Variants in AQP8 observed in about 807,000 individuals in gnomAD.
The protein encoded by AQP8 is aquaporin 8.
AQP8 carries 14 observed loss-of-function variants against 26.1 expected under a neutral mutation model. The observed-to-expected ratio is 0.54, with a 90% CI of 0.35 to 0.84. AQP8 has a LOEUF of 0.84. AQP8 is among the 40% of genes least tolerant of loss of function. The pLI, the probability that AQP8 is intolerant of heterozygous loss-of-function variation, is 0.01. For synonymous variants in AQP8, 131 were observed against 150.7 expected, an observed-to-expected ratio of 0.87 and a Z score of 0.96; for missense variants, 301 against 340.5, an observed-to-expected ratio of 0.88 and a Z score of 0.91.
At chr16:25,220,492 C>G (rs957583187) in intron 2 of AQP8, among the ~76,000 whole-genome samples, 1 of 152,236 alleles carries the variant, frequency 6.6e-6, no homozygotes. Context: ...TACCCATGAG[C>G]CAGGGGGTGG....
At chr16:25,226,364 TCTC>T (rs1173075225) in intron 4 of AQP8, among the ~76,000 whole-genome samples, 2 of 152,144 alleles carry the variant, frequency 1.3e-5, no homozygotes, top group African/African-American at 4.8e-5. Flanking sequence ...TTCAAGCAAT[TCTC>T]CTGGCTTAGC....
In AQP8 at chr16:25,228,715, G is replaced by A. The variant is rs944372490; in HGVS notation, c.*223G>A. The A allele has an allele frequency of 9.3e-5, 50 of 539,858 alleles. No individual in the cohort carries two copies. The highest frequency in any genetic ancestry group is 5.0e-4 in the Middle Eastern group (1 of 1,988). The allele number at this position is 539,858 out of a possible 1,614,324, so 33.4% of individuals were successfully genotyped here. On this transcript the variant is annotated 3_prime_UTR_variant, in exon 6 of 6. Transcript: ENST00000219660. ...TCAGAGACCCCAGCCTGGGGAACAC[G>A]CTGCCCGCACTGCCCAGAGAGCAGT... is the stretch of plus-strand genomic sequence containing the variant.
intron 5 of AQP8, 94 bp from the exon 6 acceptor site, chr16:25,228,350 G>A: frequency 1.7e-6 from 2 of 1,185,826 alleles, no homozygotes; most frequent in Non-Finnish European, 2.5e-6. Context: ...GGCTCAGGAA[G>A]TCATCTTTCT....
intron 3 of AQP8, among the ~76,000 whole-genome samples, chr16:25,223,771 G>A (rs931095483): frequency 7.2e-5 from 11 of 151,798 alleles, no homozygotes; most frequent in Non-Finnish European, 1.5e-4. Flanking sequence ...AGTTACATAA[G>A]TTTTAGGTCT....
chr16:25,223,369 T>C (rs1962589097), intron 3 of AQP8, among the ~76,000 whole-genome samples: 1 of 152,210 alleles, frequency 6.6e-6, no homozygotes, highest in South Asian at 2.1e-4. Context: ...TAGCAATGAG[T>C]TCACCTGATC....
In AQP8 at chr16:25,224,441, G is replaced by C; in HGVS notation, c.467G>C (p.Gly156Ala). The change falls in exon 4 of 6, where the codon GGG (glycine) becomes GCG (alanine). Residue 156 changes from glycine to alanine, a missense_variant. Transcript: ENST00000219660. ...VTVQEQGQVAGALVAEIILTT... is the reference protein window; with the variant it reads ...VTVQEQGQVAAALVAEIILTT... ...GTCCAGGAGCAGGGGCAGGTGGCAG[G>C]GGCGTTGGTGGCAGAGATCATCCTG... is the stretch of plus-strand genomic sequence containing the variant. 3 of 1,614,208 alleles carry C rather than the reference G, an allele frequency of 1.9e-6. No homozygotes were observed. Among genetic ancestry groups the C allele is most frequent in the Non-Finnish European group, 2.5e-6 (3 of 1,180,038 alleles).
rs189683093 is a variant in AQP8, at chr16:25,223,344, G to A, written c.388-1018G>A. ...GCTCTCCTGCACATGCCCCTTCCAC[G>A]GTCCTGTGGGGGCTTAGCAATGAGT... On this transcript the variant is annotated intron_variant, in intron 3 of 5. Coordinates refer to ENST00000219660, the MANE Select transcript of AQP8 (RefSeq NM_001169.3). Among the ~76,000 whole-genome samples the A allele has an allele frequency of 1.1e-3, 171 of 152,310 alleles. 2 individuals carry two copies. Among genetic ancestry groups the A allele is most frequent in the Middle Eastern group, 0.01 (3 of 294 alleles).
At position 25,227,220 on chromosome 16, in the gene AQP8, G is replaced by A. The variant is rs201182271; in HGVS notation, c.737+18G>A. ...CTCATTAGGTAGGAGTGTGACACAGGGTCACCGGCCCATTGGATGGGCACT... is the reference window on the plus strand; with the variant it reads ...CTCATTAGGTAGGAGTGTGACACAGAGTCACCGGCCCATTGGATGGGCACT... On this transcript the variant is annotated intron_variant, in intron 5 of 5. Transcript: ENST00000219660. 5.1e-4 allele frequency: 829 copies of A among 1,613,736 alleles called. 11 individuals are homozygous for A. In the South Asian group the frequency reaches 8.6e-3, roughly 17 times the overall value.
intron 3 of AQP8, 23 bp from the exon 4 acceptor site, chr16:25,224,339 G>A (rs1597629787): frequency 1.3e-6 from 2 of 1,595,226 alleles, no homozygotes; most frequent in East Asian, 2.2e-5. Context: ...CCCACTGTGA[G>A]GCTCAGCAGC....
chr16:25,226,876 G>T (rs563730354), intron 4 of AQP8, among the ~76,000 whole-genome samples, 192 bp from the exon 5 acceptor site: 1 of 152,110 alleles, frequency 6.6e-6, no homozygotes, highest in African/African-American at 2.4e-5. Context: ...CGCCCAGCGG[G>T]GAGCCATGCC....
chr16:25,218,137 A>G (rs1962512636), intron 2 of AQP8, among the ~76,000 whole-genome samples: 1 of 152,222 alleles, frequency 6.6e-6, no homozygotes, highest in Non-Finnish European at 1.5e-5. Flanking sequence ...CAAGTGCCTC[A>G]TGCGGAAGTC....
chr16:25,226,511 C>T (rs1962635628), intron 4 of AQP8, among the ~76,000 whole-genome samples: 1 of 152,170 alleles, frequency 6.6e-6, no homozygotes, highest in Admixed American at 6.5e-5. Flanking sequence ...CCTGCCTTGG[C>T]CTCCTAAACT....
At chr16:25,225,734 C>T (rs1165305659) in intron 4 of AQP8, among the ~76,000 whole-genome samples, 1 of 152,108 alleles carries the variant, frequency 6.6e-6, no homozygotes, top group East Asian at 1.9e-4. Context: ...GACTTCGAAG[C>T]TGGACACAGG....
At chr16:25,223,290 C>CT (rs1962587883) in intron 3 of AQP8, among the ~76,000 whole-genome samples, 2 of 152,262 alleles carry the variant, frequency 1.3e-5, no homozygotes, top group Admixed American at 1.3e-4. Context: ...GCCGATCGCC[C>CT]ATAGAAATAA....
At chr16:25,222,459 G>GT (rs1252773521) in intron 3 of AQP8, among the ~76,000 whole-genome samples, 1 of 151,886 alleles carries the variant, frequency 6.6e-6, no homozygotes, top group Non-Finnish European at 1.5e-5. Context: ...TTCCTGCCTT[G>GT]GCCTCCCAAA....
At chr16:25,222,798 T>C (rs1377616561) in intron 3 of AQP8, among the ~76,000 whole-genome samples, 3 of 152,084 alleles carry the variant, frequency 2.0e-5, no homozygotes, top group African/African-American at 7.2e-5. Context: ...CCTGCTGTGG[T>C]CTCTCCATGT....
intron 4 of AQP8, among the ~76,000 whole-genome samples, chr16:25,226,634 C>T (rs1179926590): frequency 1.3e-5 from 2 of 152,220 alleles, no homozygotes; most frequent in Admixed American, 1.3e-4. Flanking sequence ...TTCATCCCCT[C>T]AAGCATTTAT....
intron 2 of AQP8, among the ~76,000 whole-genome samples, chr16:25,219,751 T>C (rs1228627331): frequency 6.6e-6 from 1 of 151,248 alleles, no homozygotes; most frequent in Admixed American, 6.6e-5. Flanking sequence ...AAACCATGCA[T>C]GGAGGTCAGG....
chr16:25,227,634 G>A (rs1231969130), intron 5 of AQP8, among the ~76,000 whole-genome samples: 3 of 151,944 alleles, frequency 2.0e-5, no homozygotes, highest in African/African-American at 4.8e-5. Flanking sequence ...GACTACAGGC[G>A]CCGCCACCAC....
Sources: allele counts gnomAD v4.1 joint callset (sites outside exome capture counted in the v4.1 genomes callset), GRCh38; gene constraint gnomAD v4.1.1; transcripts MANE v1.5; gene names NCBI Gene and HGNC (gene_info 2026-07-23, HGNC 2026-07-21).